SP140: variants seen among roughly 807,000 people sequenced by gnomAD.
SP140 encodes nuclear body protein SP140.
Under a neutral mutation model 125.0 loss-of-function variants are expected in SP140, and 81 were observed. The ratio of observed to expected loss-of-function variants is 0.65; its 90% CI spans 0.54 to 0.78. SP140 has a LOEUF of 0.78. SP140 is among the 30% of genes least tolerant of loss of function. The pLI is 0.00. For missense variants in SP140, 858 were observed against 1,037.0 expected, an observed-to-expected ratio of 0.83 and a Z score of 2.37; for synonymous variants, 312 against 354.0, an observed-to-expected ratio of 0.88 and a Z score of 1.33.
At chr2:230,312,228 A>G (rs1251153808) in intron 26 of SP140, among the ~76,000 whole-genome samples, 1 of 152,246 alleles carries the variant, frequency 6.6e-6, no homozygotes, top group Non-Finnish European at 1.5e-5. Context: ...TCTTAGCTGC[A>G]TGAGTTTTCA....
At chr2:230,263,876 G>C (rs2149312646) in intron 12 of SP140, among the ~76,000 whole-genome samples, 1 of 152,276 alleles carries the variant, frequency 6.6e-6, no homozygotes. Context: ...GAGGTTACCT[G>C]GTGCTTCTGT....
At chr2:230,284,912 G>T (rs752006475) in intron 16 of SP140, among the ~76,000 whole-genome samples, 7 of 152,066 alleles carry the variant, frequency 4.6e-5, no homozygotes, top group Non-Finnish European at 7.4e-5. Flanking sequence ...AAAAATATAT[G>T]CAGTGGTTAC....
At chr2:230,310,569 GA>G (rs1467947426) in intron 23 of SP140, among the ~76,000 whole-genome samples, 173 bp from the exon 24 acceptor site, 1 of 152,036 alleles carries the variant, frequency 6.6e-6, no homozygotes, top group African/African-American at 2.4e-5. Flanking sequence ...TGATGCGAGG[GA>G]AAGGCCAATG....
At chr2:230,299,940 A>T (rs1315392381) in intron 22 of SP140, among the ~76,000 whole-genome samples, 3 of 152,094 alleles carry the variant, frequency 2.0e-5, no homozygotes, top group Non-Finnish European at 4.4e-5. Flanking sequence ...CTCATCCCCC[A>T]CAGTGGCCAC....
upstream of SP140, chr2:230,201,078 CT>C: frequency 1.2e-6 from 1 of 815,470 alleles, no homozygotes; most frequent in Non-Finnish European, 2.2e-6. Context: ...GGCTCCAGGT[CT>C]TACCCTCCTA....
intron 15 of SP140, among the ~76,000 whole-genome samples, chr2:230,271,345 G>A (rs1302512988): frequency 6.6e-6 from 1 of 152,188 alleles, no homozygotes; most frequent in Admixed American, 6.5e-5. Context: ...AGCCTATATT[G>A]CCTTGAGTAG....
chr2:230,233,468 T>A (rs919212857), intron 1 of SP140, among the ~76,000 whole-genome samples: 50 of 152,298 alleles, frequency 3.3e-4, no homozygotes, highest in African/African-American at 1.2e-3. Flanking sequence ...GCAGTATATA[T>A]CCTCTCTTTT....
the SP140 span, among the ~76,000 whole-genome samples, chr2:230,189,662 C>T: frequency 6.6e-6 from 1 of 152,090 alleles, no homozygotes; most frequent in Non-Finnish European, 1.5e-5. Context: ...CTTGCTGCAC[C>T]TATTGACCCA....
At chr2:230,196,820 G>A in the SP140 span, among the ~76,000 whole-genome samples, 4 of 151,810 alleles carry the variant, frequency 2.6e-5, no homozygotes, top group African/African-American at 9.7e-5. Context: ...GCAATAGTTT[G>A]CAGAGAATGA....
intron 12 of SP140, among the ~76,000 whole-genome samples, chr2:230,256,379 TGGATG>T (rs1332837764): frequency 0.011 from 1,704 of 152,076 alleles, 22 homozygotes; most frequent in African/African-American, 0.03. Flanking sequence ...TGTAGGGACA[TGGATG>T]AAGCTGGAAA....
At chr2:230,255,760 A>C (rs376001887) in intron 12 of SP140, among the ~76,000 whole-genome samples, 26 of 152,324 alleles carry the variant, frequency 1.7e-4, no homozygotes, top group African/African-American at 6.0e-4. Flanking sequence ...TTGTTTGAAC[A>C]TATGTGTTCA....
At position 230,302,340 on chromosome 2, in the gene SP140, G is replaced by A. The variant is rs1208138325; in HGVS notation, c.2058+4878G>A. Among the ~76,000 whole-genome samples the A allele has an allele frequency of 2.6e-5, 4 of 152,188 alleles. No individual in the cohort carries two copies. In the East Asian group the frequency reaches 7.7e-4, roughly 29 times the overall value. On this transcript the variant is annotated intron_variant, in intron 22 of 26. Transcript: ENST00000392045. Reference sequence around the variant, plus strand: ...ACCCAGGAGGCAGAGCTTGCACTGAGCCAAGATTGCACCACTGTACTCCAG... The same window carrying A: ...ACCCAGGAGGCAGAGCTTGCACTGAACCAAGATTGCACCACTGTACTCCAG...
intron 12 of SP140, among the ~76,000 whole-genome samples, chr2:230,261,674 T>A (rs749584640): frequency 2.6e-5 from 4 of 152,212 alleles, no homozygotes; most frequent in Non-Finnish European, 5.9e-5. Flanking sequence ...AGATGCTGGA[T>A]TTTGTTGAAT....
upstream of SP140, among the ~76,000 whole-genome samples, chr2:230,221,141 T>A (rs1207444223): frequency 6.6e-6 from 1 of 150,866 alleles, no homozygotes; most frequent in Non-Finnish European, 1.5e-5. Flanking sequence ...ATTAGCCAGA[T>A]GTGGTGGCGG....
At chr2:230,197,116 A>G in the SP140 span, among the ~76,000 whole-genome samples, 3 of 152,220 alleles carry the variant, frequency 2.0e-5, no homozygotes, top group Non-Finnish European at 2.9e-5. Context: ...AGGAATCACC[A>G]CACCGATTTC....
intron 22 of SP140, among the ~76,000 whole-genome samples, chr2:230,298,351 A>G (rs1352223372): frequency 6.6e-6 from 1 of 152,234 alleles, no homozygotes; most frequent in African/African-American, 2.4e-5. Flanking sequence ...GCACTGACAC[A>G]TGATACTTAA....
At chr2:230,232,893 G>T (rs765302993) in intron 1 of SP140, among the ~76,000 whole-genome samples, 43 of 152,040 alleles carry the variant, frequency 2.8e-4, no homozygotes, top group Middle Eastern at 3.4e-3. Flanking sequence ...CTTTTTAAAT[G>T]TGAGTATTGA....
upstream of SP140, chr2:230,225,388 C>G (rs1476219170): frequency 3.9e-6 from 1 of 253,906 alleles, no homozygotes; most frequent in East Asian, 1.2e-4. Flanking sequence ...CCTAAGCCAT[C>G]CAGCCCAGGC....
At chr2:230,206,347 T>C (rs2148884959) in intron 1 of SP140, among the ~76,000 whole-genome samples, 1 of 151,878 alleles carries the variant, frequency 6.6e-6, no homozygotes, top group Middle Eastern at 3.4e-3. Context: ...TTTATCTTAG[T>C]CTCTCAGTAT....
Sources: allele counts gnomAD v4.1 joint callset (sites outside exome capture counted in the v4.1 genomes callset), GRCh38; gene constraint gnomAD v4.1.1; transcripts MANE v1.5; gene names NCBI Gene and HGNC (gene_info 2026-07-23, HGNC 2026-07-21).